Variants in PPFIA1 observed in about 807,000 individuals in gnomAD.
PPFIA1 encodes the protein PPFI scaffold protein A1.
Under a neutral mutation model 149.9 loss-of-function variants are expected in PPFIA1, and 25 were observed. The ratio of observed to expected loss-of-function variants is 0.17; its 90% CI spans 0.12 to 0.23. The LOEUF (loss-of-function observed/expected upper bound fraction) is 0.23. Among genes scored for constraint, PPFIA1 ranks in the 10% least tolerant of loss-of-function variants. PPFIA1 has a pLI of 1.00. For synonymous variants in PPFIA1, 549 were observed against 552.8 expected (o/e 0.99, Z 0.10); for missense variants, 1,362 against 1,506.5 (o/e 0.90, Z 1.59).
intron 16 of PPFIA1, among the ~76,000 whole-genome samples, chr11:70,349,772 T>C (rs2055938353): frequency 6.6e-6 from 1 of 152,228 alleles, no homozygotes; most frequent in South Asian, 2.1e-4. Context: ...ATTTGTGGGC[T>C]TGTGCTTATT....
chr11:70,372,559 C>G lies in PPFIA1; in HGVS notation c.3124C>G (p.Gln1042Glu). Residue 1042 changes from glutamine (Q) to glutamate (E), a missense_variant, in exon 23 of 28, where the codon CAG becomes GAG. Around this residue, in one of 7 missense-constraint regions of PPFIA1, gnomAD observed 349 missense variants for 373.3 expected, o/e 0.93. Coordinates refer to ENST00000253925, the MANE Select transcript of PPFIA1 (RefSeq NM_003626.5). ...KELERKREES[Q>E]SEIKDVLVWS... is the part of the protein sequence containing the mutation. ...ACTGGAAAGAAAAAGAGAAGAAAGT[C>G]AGAGTGAAATAAAAGGTTAGTACAT... 6.2e-7 allele frequency: 1 copy of G among 1,610,938 alleles called. No homozygotes were observed. The highest frequency in any genetic ancestry group is 1.3e-5 in the African/African-American group (1 of 74,942).
intron 2 of PPFIA1, among the ~76,000 whole-genome samples, chr11:70,315,648 A>G (rs1033337376): frequency 2.1e-5 from 3 of 143,802 alleles, no homozygotes; most frequent in Non-Finnish European, 4.5e-5. Context: ...AAGACACAAG[A>G]CTTTGCCTTC....
intron 19 of PPFIA1, among the ~76,000 whole-genome samples, chr11:70,356,634 C>T (rs1246720659): frequency 6.6e-6 from 1 of 152,170 alleles, no homozygotes; most frequent in African/African-American, 2.4e-5. Context: ...GTAGTACATA[C>T]CTTGTATGGC....
In PPFIA1 at chr11:70,348,235, A is replaced by T; in HGVS notation, c.1978A>T (p.Ile660Phe). The T allele has an allele frequency of 6.2e-7, 1 of 1,614,156 alleles. No homozygotes were observed. Among genetic ancestry groups the T allele is most frequent in the Admixed American group, 1.7e-5 (1 of 60,014 alleles). The change falls in exon 16 of 28, where the codon ATT (isoleucine) becomes TTT (phenylalanine). Residue 660 changes from isoleucine (I) to phenylalanine (F), a missense_variant. Transcript: ENST00000253925. Reference protein sequence around the residue: ...KENTEQRAEEIESRVGSGSLD... With the variant: ...KENTEQRAEEFESRVGSGSLD... Reference sequence around the variant, plus strand: ...AAATACAGAGCAGCGGGCAGAGGAGATTGAAAGTCGAGTTGGCAGTGGAAG... The same window carrying T: ...AAATACAGAGCAGCGGGCAGAGGAGTTTGAAAGTCGAGTTGGCAGTGGAAG...
At chr11:70,301,917 T>G (rs1222865393) in intron 2 of PPFIA1, among the ~76,000 whole-genome samples, 1 of 152,220 alleles carries the variant, frequency 6.6e-6, no homozygotes, top group Non-Finnish European at 1.5e-5. Flanking sequence ...TATTACTCAG[T>G]TAATTCCATA....
chr11:70,280,846 G>C (rs957983409), intron 2 of PPFIA1, among the ~76,000 whole-genome samples: 1 of 152,154 alleles, frequency 6.6e-6, no homozygotes, highest in South Asian at 2.1e-4. Context: ...GGGATTACAG[G>C]TGTGAGCTAT....
chr11:70,292,312 C>T (rs1353542402), intron 2 of PPFIA1, among the ~76,000 whole-genome samples: 3 of 152,200 alleles, frequency 2.0e-5, no homozygotes, highest in Non-Finnish European at 2.9e-5. Flanking sequence ...AGGCCATGTG[C>T]GTCCTTTCTG....
intron 27 of PPFIA1, among the ~76,000 whole-genome samples, chr11:70,382,617 T>TATATA (rs2057753672): frequency 6.6e-6 from 1 of 152,192 alleles, no homozygotes; most frequent in Non-Finnish European, 1.5e-5. Flanking sequence ...ATACTAAGTG[T>TATATA]GACACTAATA....
rs1323089744 is a variant in PPFIA1 at position 70,376,546 on chromosome 11, G to C, written c.3330G>C (p.Leu1110Phe). 3 of 1,613,570 alleles carry C rather than the reference G, an allele frequency of 1.9e-6. No individual in the cohort carries two copies. The highest frequency in any genetic ancestry group is 1.7e-6 in the Non-Finnish European group (2 of 1,179,584). The change falls in exon 25 of 28, where the codon TTG (leucine) becomes TTC (phenylalanine). Residue 1110 changes from leucine to phenylalanine, a missense_variant. Coordinates refer to ENST00000253925, the MANE Select transcript of PPFIA1 (RefSeq NM_003626.5). ...GGTTATTTCAGGCTCGTGCTGTCTT[G>C]GAAAGAGAATTTAACAACCTTTTGG... ...PTQNTQARAV[L>F]EREFNNLLVM...
At chr11:70,293,939 TCTC>T (rs141450885) in intron 2 of PPFIA1, among the ~76,000 whole-genome samples, 1,707 of 119,360 alleles carry the variant, frequency 0.014, 30 homozygotes, top group African/African-American at 0.061. Context: ...TCTCTCTCTC[TCTC>T]TTTTTTTTTT....
intron 7 of PPFIA1, chr11:70,327,529 T>A (rs1164341815): frequency 6.6e-6 from 1 of 152,156 alleles, no homozygotes; most frequent in Non-Finnish European, 1.5e-5. Flanking sequence ...CCCAGCACTT[T>A]GGGAGGCTTA....
intron 2 of PPFIA1, among the ~76,000 whole-genome samples, chr11:70,281,606 T>C (rs1260227428): frequency 6.6e-6 from 1 of 152,214 alleles, no homozygotes; most frequent in Non-Finnish European, 1.5e-5. Flanking sequence ...TACTTCTTTT[T>C]GTCTCCCCAG....
At chr11:70,366,069 A>T in intron 21 of PPFIA1, 1 of 417,008 alleles carries the variant, frequency 2.4e-6, no homozygotes, top group Non-Finnish European at 4.7e-6. Flanking sequence ...TGTTTATAGC[A>T]TCTTAGTTTA....
Position 70,334,182 on chromosome 11 carries a change from T to C in PPFIA1, c.1296+629T>C, listed in dbSNP as rs560236136. Among the ~76,000 whole-genome samples the C allele has an allele frequency of 3.1e-4, 47 of 152,260 alleles. No individual in the cohort carries two copies. In the South Asian group the frequency reaches 4.1e-3, roughly 13 times the overall value. The stretch of plus-strand genomic sequence containing the variant: ...ATATGGAACATCCAGGAAAAAGATA[T>C]AGCAAGAGCAGTCCCAGGGCCAGCT... On this transcript the variant is annotated intron_variant, in intron 10 of 27. Coordinates refer to ENST00000253925, the MANE Select transcript of PPFIA1 (RefSeq NM_003626.5).
Position 70,272,196 on chromosome 11 carries a change from C to T in PPFIA1, c.24C>T (p.Thr8=). 1 of 1,613,808 alleles carries T rather than the reference C, an allele frequency of 6.2e-7. No homozygotes were observed. The change falls in exon 2 of 28, where the codon ACC becomes ACT. Residue 8 remains threonine, a synonymous_variant. Transcript: ENST00000253925. MMCEVMP[T]ISEAEGPPGG... ...AGATGATGTGCGAGGTGATGCCGAC[C>T]ATCAGCGAAGCAGAAGGCCCCCCTG... is the stretch of plus-strand genomic sequence containing the variant.
intron 13 of PPFIA1, 52 bp downstream of exon 13, chr11:70,338,505 G>C: frequency 6.8e-7 from 1 of 1,480,292 alleles, no homozygotes; most frequent in Middle Eastern, 1.7e-4. Flanking sequence ...TGGCAGGCCA[G>C]TTCTTGGCTA....
At chr11:70,343,100 A>C (rs533439488) in intron 14 of PPFIA1, among the ~76,000 whole-genome samples, 1 of 151,912 alleles carries the variant, frequency 6.6e-6, no homozygotes, top group Non-Finnish European at 1.5e-5. Flanking sequence ...GGCATGAGCC[A>C]CTACACCTGG....
At chr11:70,319,200 C>G (rs1467669838) in intron 2 of PPFIA1, among the ~76,000 whole-genome samples, 1 of 152,236 alleles carries the variant, frequency 6.6e-6, no homozygotes, top group Admixed American at 6.5e-5. Flanking sequence ...GCCTTTCTTT[C>G]TCTGCGATCT....
At chr11:70,341,288 C>T (rs1004374464) in intron 14 of PPFIA1, among the ~76,000 whole-genome samples, 14 of 149,730 alleles carry the variant, frequency 9.4e-5, no homozygotes, top group South Asian at 4.2e-4. Flanking sequence ...GTGAGGGTGA[C>T]GTCTGAGCAG....
Sources: allele counts gnomAD v4.1 joint callset (sites outside exome capture counted in the v4.1 genomes callset), GRCh38; gene constraint gnomAD v4.1.1; regional missense constraint gnomAD v4.1.1; transcripts MANE v1.5; gene names NCBI Gene and HGNC (gene_info 2026-07-23, HGNC 2026-07-21).